Variants in TET3 observed in about 807,000 individuals in gnomAD.
TET3 encodes the protein tet methylcytosine dioxygenase 3, also known as methylcytosine dioxygenase TET3.
In TET3, 19 loss-of-function variants were observed where a neutral mutation model predicts 141.4. The ratio of observed to expected loss-of-function variants is 0.13; its 90% confidence interval spans 0.09 to 0.20. The LOEUF (loss-of-function observed/expected upper bound fraction) is 0.20. Among genes scored for constraint, TET3 ranks in the 10% least tolerant of loss-of-function variants. The probability of loss-of-function intolerance (pLI) is 1.00; values close to 1 mark genes in which losing one functional copy is unlikely to be tolerated. For synonymous variants in TET3, 1,043 were observed against 980.9 expected, an observed-to-expected ratio of 1.06 and a Z score of -1.18; for missense variants, 1,874 against 2,356.9, an observed-to-expected ratio of 0.80 and a Z score of 4.24.
At chr2:74,113,532 C>T in the TET3 span, among the ~76,000 whole-genome samples, 4 of 151,834 alleles carry the variant, frequency 2.6e-5, no homozygotes, top group Admixed American at 2.6e-4. Flanking sequence ...GACAGGATCA[C>T]ATATATATAA....
At position 74,099,257 on chromosome 2, in the gene TET3, C is replaced by A; in HGVS notation, c.3268-19C>A. ...GGTCCCCCAACCCCATGTCCTCTCT[C>A]CCCCACTGCTTGGGGCAGGTCTGCA... On this transcript the variant is annotated intron_variant, in intron 10 of 11. Coordinates refer to ENST00000409262, the MANE Select transcript of TET3 (RefSeq NM_001287491.2). 1 of 1,555,954 alleles carries A rather than the reference C, an allele frequency of 6.4e-7. No individual in the cohort carries two copies. Among genetic ancestry groups the A allele is most frequent in the South Asian group, 1.2e-5 (1 of 84,224 alleles).
chr2:74,043,905 A>G, intron 3 of TET3, among the ~76,000 whole-genome samples: 1 of 152,118 alleles, frequency 6.6e-6, no homozygotes, highest in Non-Finnish European at 1.5e-5. Context: ...CACACCTATA[A>G]TCCCAACACT....
rs1684031108 is a variant in TET3 at position 73,986,470 on chromosome 2, C to T, written c.67C>T (p.Arg23Cys). ...GCCAGGCCTTTATGACTTCCCTCAG[C>T]GCCAGGTGATGGTAGGGAGCTTCCC... ...DLPGLYDFPQ[R>C]QVMVGSFPGS... The change falls in exon 2 of 12, where the codon CGC (arginine) becomes TGC (cysteine). Residue 23 changes from arginine to cysteine, a missense_variant. Coordinates refer to ENST00000409262, the MANE Select transcript of TET3 (RefSeq NM_001287491.2). 6.5e-6 allele frequency: 8 copies of T among 1,232,084 alleles called. No individual in the cohort carries two copies. The South Asian group carries it at 2.9e-4, about 44-fold the overall frequency. The allele number at this position is 1,232,084 out of a possible 1,614,324, so 76.3% of individuals were successfully genotyped here.
intron 3 of TET3, among the ~76,000 whole-genome samples, chr2:74,031,456 T>C (rs1397574283): frequency 6.6e-6 from 1 of 152,188 alleles, no homozygotes; most frequent in Non-Finnish European, 1.5e-5. Flanking sequence ...GATGAACATG[T>C]GCAAACCCAG....
chr2:74,021,130 C>T (rs1016652367), intron 3 of TET3, among the ~76,000 whole-genome samples: 1 of 152,230 alleles, frequency 6.6e-6, no homozygotes, highest in Non-Finnish European at 1.5e-5. Flanking sequence ...TGGTTTCTTA[C>T]TTCATCTCCC....
chr2:74,090,678 G>T (rs72909107), intron 8 of TET3, among the ~76,000 whole-genome samples: 4,081 of 152,296 alleles, frequency 0.027, 201 homozygotes, highest in African/African-American at 0.093. Context: ...AGACAGCAGG[G>T]GAAGGCGCCC....
At chr2:74,111,275 T>G (rs560710335), downstream of TET3, among the ~76,000 whole-genome samples, 14 of 152,338 alleles carry the variant, frequency 9.2e-5, no homozygotes, top group East Asian at 2.7e-3. Flanking sequence ...AGGCCTCAAC[T>G]ATGACCCTAA....
intron 6 of TET3, among the ~76,000 whole-genome samples, chr2:74,086,921 G>C (rs1690195880): frequency 6.6e-6 from 1 of 151,566 alleles, no homozygotes; most frequent in Non-Finnish European, 1.5e-5. Context: ...TCTATTTCCA[G>C]AACTTTTTCA....
chr2:73,989,866 C>T (rs1222734770), intron 2 of TET3, among the ~76,000 whole-genome samples: 1 of 152,040 alleles, frequency 6.6e-6, no homozygotes, highest in African/African-American at 2.4e-5. Flanking sequence ...AAGTGCTGTG[C>T]CCTTACTCTC....
chr2:74,035,816 A>G (rs1484213950), intron 3 of TET3, among the ~76,000 whole-genome samples: 1 of 152,130 alleles, frequency 6.6e-6, no homozygotes, highest in Non-Finnish European at 1.5e-5. Context: ...GTTTGAGACT[A>G]GCCTGACCAA....
chr2:74,012,829 A>G (rs926289737), intron 3 of TET3, among the ~76,000 whole-genome samples: 2 of 151,772 alleles, frequency 1.3e-5, no homozygotes, highest in Non-Finnish European at 2.9e-5. Context: ...CTTCTATATC[A>G]TGTTGAAGAA....
At chr2:74,000,543 T>C (rs1240198006) in intron 2 of TET3, among the ~76,000 whole-genome samples, 1 of 151,164 alleles carries the variant, frequency 6.6e-6, no homozygotes, top group East Asian at 1.9e-4. Flanking sequence ...TCGGGGGAGG[T>C]GCGGAGGGAT....
At chr2:73,988,989 A>ATTT (rs1558689017) in intron 2 of TET3, among the ~76,000 whole-genome samples, 9 of 128,940 alleles carry the variant, frequency 7.0e-5, no homozygotes, top group East Asian at 2.4e-4. Context: ...AAAAAAAAAA[A>ATTT]GTTTTTTTTG....
chr2:73,994,958 C>T (rs1299387922), intron 2 of TET3, among the ~76,000 whole-genome samples: 2 of 150,234 alleles, frequency 1.3e-5, no homozygotes, highest in African/African-American at 4.9e-5. Context: ...TTTCATGTTT[C>T]TTTTTTTTTG....
At chr2:74,000,085 C>A (rs993046852) in intron 2 of TET3, among the ~76,000 whole-genome samples, 2 of 152,076 alleles carry the variant, frequency 1.3e-5, no homozygotes, top group African/African-American at 2.4e-5. Flanking sequence ...GTGGCTCCTT[C>A]AGGCTGCTGA....
the TET3 span, among the ~76,000 whole-genome samples, chr2:74,115,623 T>C: frequency 6.6e-6 from 1 of 152,056 alleles, no homozygotes; most frequent in Non-Finnish European, 1.5e-5. Flanking sequence ...AGAGGCCTAG[T>C]TGAGAGAAAA....
chr2:73,985,192 G>C (rs1034839846), intron 1 of TET3, 35 bp downstream of exon 1: 7 of 146,812 alleles, frequency 4.8e-5, no homozygotes, highest in African/African-American at 9.8e-5. Flanking sequence ...GCTCCGGAGT[G>C]GGGGAGGGGC....
intron 4 of TET3, among the ~76,000 whole-genome samples, chr2:74,059,289 G>A (rs1688374911): frequency 6.6e-6 from 1 of 152,182 alleles, no homozygotes; most frequent in Non-Finnish European, 1.5e-5. Flanking sequence ...GTCTCGCTGT[G>A]TTGACCAGGC....
At chr2:74,097,195 GCACACACACACACA>G (rs146612512) in intron 10 of TET3, among the ~76,000 whole-genome samples, 22 of 137,960 alleles carry the variant, frequency 1.6e-4, no homozygotes, top group African/African-American at 5.2e-4. Flanking sequence ...AGCCATACAT[GCACACACACACACA>G]CACACACACA....
Sources: allele counts gnomAD v4.1 joint callset (sites outside exome capture counted in the v4.1 genomes callset), GRCh38; gene constraint gnomAD v4.1.1; transcripts MANE v1.5; gene names NCBI Gene and HGNC (gene_info 2026-07-23, HGNC 2026-07-21).